Variants in MAP2 observed in about 807,000 individuals in gnomAD.
The protein encoded by MAP2 is microtubule-associated protein 2.
Under a neutral mutation model 137.6 loss-of-function variants are expected in MAP2, and 14 were observed. That is an observed-to-expected ratio of 0.10 (90% CI 0.07 to 0.16). The LOEUF (loss-of-function observed/expected upper bound fraction) is 0.16. Ranked by LOEUF, MAP2 falls within the 10% of genes least tolerant of loss-of-function variation. MAP2 has a pLI of 1.00. For missense variants in MAP2, 2,088 were observed against 2,191.5 expected (o/e 0.95, Z 0.94); for synonymous variants, 786 against 782.3 (o/e 1.00, Z -0.08).
intron 3 of MAP2, 116 bp from the exon 4 acceptor site, chr2:209,624,937 A>C (rs1342523803): frequency 1.3e-5 from 2 of 152,222 alleles, no homozygotes; most frequent in Admixed American, 6.5e-5. Context: ...TCCATCTCAT[A>C]GTCTTATAGT....
intron 13 of MAP2, among the ~76,000 whole-genome samples, chr2:209,720,405 G>A (rs1190328351): frequency 3.3e-5 from 5 of 152,164 alleles, no homozygotes; most frequent in East Asian, 1.9e-4. Context: ...TTGGGAGGCC[G>A]AGGCGGGCAG....
intron 5 of MAP2, among the ~76,000 whole-genome samples, chr2:209,660,701 A>AATTATT (rs562421271): frequency 0.024 from 2,484 of 104,396 alleles, 36 homozygotes; most frequent in East Asian, 0.043. Flanking sequence ...GGCCTGCTGC[A>AATTATT]ATTATTATTA....
chr2:209,449,268 A>G (rs1311783864), intron 1 of MAP2, among the ~76,000 whole-genome samples: 1 of 152,168 alleles, frequency 6.6e-6, no homozygotes, highest in Non-Finnish European at 1.5e-5. Context: ...TTAAAGAAGA[A>G]ACAATAGAAT....
At chr2:209,706,402 A>G (rs1382460151) in intron 12 of MAP2, among the ~76,000 whole-genome samples, 3 of 152,154 alleles carry the variant, frequency 2.0e-5, no homozygotes, top group African/African-American at 7.2e-5. Context: ...TATTGAGCAC[A>G]TATAGATACT....
chr2:209,634,844 T>C (rs2710475), intron 4 of MAP2, among the ~76,000 whole-genome samples: 38,695 of 152,082 alleles, frequency 0.25, 8,576 homozygotes, highest in African/African-American at 0.59. Flanking sequence ...TTAAATACAC[T>C]AGTTTATCGA....
chr2:209,474,843 A>G (rs183221826), intron 1 of MAP2, among the ~76,000 whole-genome samples: 1 of 152,174 alleles, frequency 6.6e-6, no homozygotes, highest in East Asian at 1.9e-4. Context: ...ATAAATAGGC[A>G]TGAGGAAAAC....
chr2:209,450,066 C>T (rs1017426977), intron 1 of MAP2, among the ~76,000 whole-genome samples: 9 of 152,084 alleles, frequency 5.9e-5, no homozygotes, highest in African/African-American at 1.9e-4. Context: ...CTCAGTCTCC[C>T]GAGTAGCTGG....
chr2:209,484,085 AT>A (rs1233157909), intron 1 of MAP2, among the ~76,000 whole-genome samples: 3 of 152,234 alleles, frequency 2.0e-5, no homozygotes, highest in Non-Finnish European at 4.4e-5. Context: ...AGTTAAAAAA[AT>A]AGAGGTAAAA....
intron 10 of MAP2, 137 bp downstream of exon 10, chr2:209,697,188 G>A (rs980964595): frequency 7.5e-6 from 6 of 798,398 alleles, no homozygotes; most frequent in South Asian, 2.1e-5. Flanking sequence ...GCTATTAAGT[G>A]TCTTGTATCA....
chr2:209,652,374 C>G (rs1009569091), intron 4 of MAP2, among the ~76,000 whole-genome samples: 1 of 152,202 alleles, frequency 6.6e-6, no homozygotes, highest in Non-Finnish European at 1.5e-5. Flanking sequence ...TTTCCTTTCT[C>G]TCTGTAAGAT....
At chr2:209,535,288 G>T (rs1019099466) in intron 2 of MAP2, among the ~76,000 whole-genome samples, 5 of 152,082 alleles carry the variant, frequency 3.3e-5, no homozygotes, top group African/African-American at 1.2e-4. Context: ...TTTTCTAAGG[G>T]TTCACACCCT....
intron 12 of MAP2, among the ~76,000 whole-genome samples, chr2:209,709,285 A>G (rs922819670): frequency 6.6e-6 from 1 of 152,132 alleles, no homozygotes; most frequent in Non-Finnish European, 1.5e-5. Flanking sequence ...TTTTGGTTTG[A>G]AGCACTGAGA....
chr2:209,626,531 CTCT>C (rs1337930083), intron 4 of MAP2, among the ~76,000 whole-genome samples: 1 of 152,206 alleles, frequency 6.6e-6, no homozygotes, highest in Non-Finnish European at 1.5e-5. Context: ...GTCATCAAAG[CTCT>C]TCTTGCTTCC....
At chr2:209,481,202 G>T (rs1708673545) in intron 1 of MAP2, among the ~76,000 whole-genome samples, 1 of 152,238 alleles carries the variant, frequency 6.6e-6, no homozygotes, top group South Asian at 2.1e-4. Flanking sequence ...GAAGGAAACA[G>T]GAATGGGCAG....
intron 1 of MAP2, among the ~76,000 whole-genome samples, chr2:209,480,630 G>GTAT (rs1201553983): frequency 6.6e-6 from 1 of 151,998 alleles, no homozygotes; most frequent in East Asian, 1.9e-4. Context: ...GCTGCTTTAT[G>GTAT]TATCAGTCAT....
chr2:209,701,116 A>G (rs1462794305), intron 11 of MAP2, among the ~76,000 whole-genome samples: 1 of 152,002 alleles, frequency 6.6e-6, no homozygotes, highest in Non-Finnish European at 1.5e-5. Flanking sequence ...TTCAAGAAAA[A>G]TGTTAATATT....
chr2:209,597,913 C>G (rs1266067902), intron 3 of MAP2, among the ~76,000 whole-genome samples: 1 of 152,096 alleles, frequency 6.6e-6, no homozygotes, highest in Non-Finnish European at 1.5e-5. Context: ...CTTTCAGAGC[C>G]CCTGTACTTC....
intron 3 of MAP2, among the ~76,000 whole-genome samples, chr2:209,607,152 A>G (rs968545558): frequency 2.0e-5 from 3 of 152,192 alleles, no homozygotes; most frequent in Non-Finnish European, 2.9e-5. Context: ...TTTCAAATAC[A>G]CTTGGGAACC....
At chr2:209,621,630 C>A (rs955824132) in intron 3 of MAP2, among the ~76,000 whole-genome samples, 2 of 152,146 alleles carry the variant, frequency 1.3e-5, no homozygotes, top group East Asian at 1.9e-4. Context: ...CAATGTGTTT[C>A]GAAGGAAACT....
Sources: gnomAD v4.1 joint callset for allele counts (sites outside exome capture counted in the v4.1 genomes callset) on GRCh38, gnomAD v4.1.1 for gene constraint, MANE v1.5 for transcripts, NCBI Gene and HGNC (gene_info 2026-07-23, HGNC 2026-07-21) for gene names.